The following RHBDD1 variants were observed in gnomAD, a reference collection of about 807,000 sequenced individuals.
RHBDD1 encodes the protein rhomboid domain containing 1, also known as rhomboid-related protein 4.
Under a neutral mutation model 36.3 loss-of-function variants are expected in RHBDD1, and 38 were observed. The ratio of observed to expected loss-of-function variants is 1.05; its 90% confidence interval spans 0.81 to 1.37. The LOEUF (loss-of-function observed/expected upper bound fraction) is 1.37. Among genes scored for constraint, RHBDD1 ranks in the 40% most tolerant of loss-of-function variants. The pLI, the probability that RHBDD1 is intolerant of heterozygous loss-of-function variation, is 0.00. For missense variants in RHBDD1, 393 were observed against 377.6 expected (o/e 1.04, Z -0.34); for synonymous variants, 151 against 136.5 (o/e 1.11, Z -0.74).
chr2:226,945,841 A>T (rs1426696291), intron 8 of RHBDD1, among the ~76,000 whole-genome samples: 1 of 152,140 alleles, frequency 6.6e-6, no homozygotes, highest in Non-Finnish European at 1.5e-5. Flanking sequence ...CATTTTAATG[A>T]TCACCATTTT....
chr2:226,870,260 C>CAT (rs1486571824), intron 5 of RHBDD1, among the ~76,000 whole-genome samples: 1 of 152,194 alleles, frequency 6.6e-6, no homozygotes, highest in East Asian at 1.9e-4. Flanking sequence ...TTTAAGGTGT[C>CAT]ATATGCGAAT....
At chr2:226,817,735 A>C in the RHBDD1 span, among the ~76,000 whole-genome samples, 3 of 152,236 alleles carry the variant, frequency 2.0e-5, no homozygotes, top group Non-Finnish European at 2.9e-5. Flanking sequence ...ATATTCTCAA[A>C]GAGAGAAACT....
chr2:226,863,014 A>G (rs975036414), intron 3 of RHBDD1, among the ~76,000 whole-genome samples: 2 of 152,112 alleles, frequency 1.3e-5, no homozygotes, highest in Non-Finnish European at 2.9e-5. Flanking sequence ...CATGACCCAA[A>G]CACCTCCCAT....
Position 226,836,631 on chromosome 2 carries a change from T to C in RHBDD1, c.-392+544T>C, listed in dbSNP as rs1051340132. ...TTACAAGAAACGGATCACAGCCTTA[T>C]TTGTTTTTCTAAACTGAGCATAAAC... On this transcript the variant is annotated intron_variant, in intron 1 of 8. Transcript: ENST00000392062. Among the ~76,000 whole-genome samples, 3 of 152,198 alleles carry C rather than the reference T, an allele frequency of 2.0e-5. No homozygotes were observed. The South Asian group carries it at 6.2e-4, about 31-fold the overall frequency.
At position 226,946,162 on chromosome 2, in the gene RHBDD1, G is replaced by A. The variant is rs180921252; in HGVS notation, c.856+31811G>A. Among the ~76,000 whole-genome samples the A allele has an allele frequency of 4.6e-3, 693 of 152,022 alleles. 5 individuals carry two copies. The highest frequency in any genetic ancestry group is 0.015 in the African/African-American group (639 of 41,502). On this transcript the variant is annotated intron_variant, in intron 8 of 8. Coordinates refer to ENST00000392062, the MANE Select transcript of RHBDD1 (RefSeq NM_001167608.3). ...AAGCTCTTTAGTTTAATTAGATCCC[G>A]TTTGTCAATTGTGGCTTTTGTTGCC... is the stretch of plus-strand genomic sequence containing the variant.
chr2:226,969,988 G>GCC (rs1209194879), intron 8 of RHBDD1, among the ~76,000 whole-genome samples: 3 of 102,854 alleles, frequency 2.9e-5, no homozygotes, highest in African/African-American at 7.6e-5. Flanking sequence ...GTTTACAACT[G>GCC]TCCCCCCCCC....
At chr2:226,960,183 C>G (rs1295521678) in intron 8 of RHBDD1, among the ~76,000 whole-genome samples, 1 of 152,202 alleles carries the variant, frequency 6.6e-6, no homozygotes, top group Admixed American at 6.5e-5. Context: ...ATTTTACATT[C>G]TCTCCACCAG....
intron 8 of RHBDD1, among the ~76,000 whole-genome samples, chr2:226,988,921 C>G (rs886765440): frequency 6.6e-6 from 1 of 152,208 alleles, no homozygotes; most frequent in African/African-American, 2.4e-5. Flanking sequence ...TAAAGCCTTA[C>G]TATTTGCAGT....
rs554497256 is a variant in RHBDD1, at chr2:226,952,852, A to C, written c.856+38501A>C. Among the ~76,000 whole-genome samples, 27 of 152,242 alleles carry C rather than the reference A, an allele frequency of 1.8e-4. No individual in the cohort carries two copies. The East Asian group carries it at 5.2e-3, about 29-fold the overall frequency. On this transcript the variant is annotated intron_variant, in intron 8 of 8. Transcript: ENST00000392062. ...GGTGGAGGGAACTAGTAAGGCATCA[A>C]CAAAAATAGCTACTACCTATAAACT...
intron 8 of RHBDD1, among the ~76,000 whole-genome samples, chr2:226,994,102 G>A (rs1958873336): frequency 6.6e-6 from 1 of 152,182 alleles, no homozygotes; most frequent in South Asian, 2.1e-4. Flanking sequence ...CACCTTCCCA[G>A]TCTGCCTCTT....
chr2:226,944,344 T>G (rs534320948), intron 8 of RHBDD1, among the ~76,000 whole-genome samples: 1 of 152,178 alleles, frequency 6.6e-6, no homozygotes, highest in Non-Finnish European at 1.5e-5. Context: ...TCTGTGCCCC[T>G]AGAGGAGCAG....
At chr2:226,820,644 C>CA in the RHBDD1 span, among the ~76,000 whole-genome samples, 1,758 of 63,382 alleles carry the variant, frequency 0.028, 50 homozygotes, top group Non-Finnish European at 0.034. Flanking sequence ...TCCATCTCCA[C>CA]AAAAAAAAAA....
the RHBDD1 span, among the ~76,000 whole-genome samples, chr2:226,829,072 TTG>T: frequency 6.6e-6 from 1 of 152,192 alleles, no homozygotes; most frequent in African/African-American, 2.4e-5. Context: ...TTGTTGTGCA[TTG>T]TGTGGGCCCA....
chr2:226,899,675 A>G (rs1947430807), intron 5 of RHBDD1, among the ~76,000 whole-genome samples: 1 of 152,240 alleles, frequency 6.6e-6, no homozygotes. Flanking sequence ...ATGACTTTCC[A>G]ACTGACAGTA....
At chr2:226,897,523 C>T (rs1947204113) in intron 5 of RHBDD1, among the ~76,000 whole-genome samples, 1 of 152,162 alleles carries the variant, frequency 6.6e-6, no homozygotes, top group South Asian at 2.1e-4. Flanking sequence ...TTATTTAGCT[C>T]ACAGTTCTAC....
At chr2:226,942,538 C>A in intron 8 of RHBDD1, 2 of 380,874 alleles carry the variant, frequency 5.3e-6, no homozygotes, top group Admixed American at 3.3e-5. Flanking sequence ...CGTGCCCAGC[C>A]GTTGTGATCA....
At chr2:226,801,234 C>T in the RHBDD1 span, among the ~76,000 whole-genome samples, 1 of 152,120 alleles carries the variant, frequency 6.6e-6, no homozygotes, top group Non-Finnish European at 1.5e-5. Flanking sequence ...CGCGCCTCGG[C>T]CCAATGCGGC....
At chr2:226,816,388 A>AAAG in the RHBDD1 span, among the ~76,000 whole-genome samples, 1 of 151,418 alleles carries the variant, frequency 6.6e-6, no homozygotes, top group African/African-American at 2.4e-5. Context: ...AAAAAAAAAA[A>AAAG]AAAAAAAAGA....
At chr2:226,883,714 T>C (rs540162217) in intron 5 of RHBDD1, among the ~76,000 whole-genome samples, 8 of 152,246 alleles carry the variant, frequency 5.3e-5, no homozygotes, top group African/African-American at 1.7e-4. Context: ...CTATGTTGGA[T>C]GTCCCAGATA....
Sources: gnomAD v4.1 joint callset for allele counts (sites outside exome capture counted in the v4.1 genomes callset) on GRCh38, gnomAD v4.1.1 for gene constraint, MANE v1.5 for transcripts, NCBI Gene and HGNC (gene_info 2026-07-23, HGNC 2026-07-21) for gene names.